LRRC20: variants seen among roughly 807,000 people sequenced by gnomAD.
The protein encoded by LRRC20 is leucine-rich repeat-containing protein 20.
LRRC20 carries 11 observed loss-of-function variants against 14.4 expected under a neutral mutation model. The observed-to-expected ratio is 0.77, with a 90% CI of 0.48 to 1.27. The LOEUF is 1.27. Ranked by LOEUF, LRRC20 falls within the 50% of genes most tolerant of loss-of-function variation. The pLI is 0.00. For synonymous variants in LRRC20, 121 were observed against 107.3 expected (o/e 1.13, Z -0.79); for missense variants, 219 against 251.2 (o/e 0.87, Z 0.87).
chr10:70,317,917 C>T (rs941693353), intron 4 of LRRC20, among the ~76,000 whole-genome samples: 9 of 152,302 alleles, frequency 5.9e-5, no homozygotes, highest in East Asian at 5.8e-4. Context: ...ACATTTGTTT[C>T]GGCCAAGATT....
intron 4 of LRRC20, among the ~76,000 whole-genome samples, chr10:70,306,032 C>T (rs1230750108): frequency 1.3e-5 from 2 of 152,032 alleles, no homozygotes; most frequent in Non-Finnish European, 1.5e-5. Flanking sequence ...TGAGCCACTG[C>T]GCCCGACCTA....
intron 2 of LRRC20, among the ~76,000 whole-genome samples, chr10:70,345,989 T>C (rs1258336441): frequency 1.3e-5 from 2 of 151,808 alleles, no homozygotes; most frequent in Admixed American, 6.6e-5. Flanking sequence ...CGGCTGGATA[T>C]GGTGGCTCAC....
chr10:70,359,709 C>T (rs1258206663), intron 2 of LRRC20, among the ~76,000 whole-genome samples: 2 of 152,206 alleles, frequency 1.3e-5, no homozygotes, highest in Non-Finnish European at 2.9e-5. Context: ...TTCCCTGCAA[C>T]TCCCTTTATT....
chr10:70,363,181 G>A (rs1843817812), intron 2 of LRRC20, among the ~76,000 whole-genome samples: 1 of 149,590 alleles, frequency 6.7e-6, no homozygotes, highest in South Asian at 2.2e-4. Flanking sequence ...GAGAGGCTGA[G>A]TCAGGAGGAT....
chr10:70,333,224 G>A (rs1842603303), intron 3 of LRRC20, among the ~76,000 whole-genome samples: 1 of 152,170 alleles, frequency 6.6e-6, no homozygotes, highest in African/African-American at 2.4e-5. Context: ...AGAGCCACAC[G>A]GTCCTGGTGT....
At chr10:70,314,160 A>G (rs986055446) in intron 4 of LRRC20, among the ~76,000 whole-genome samples, 2 of 152,094 alleles carry the variant, frequency 1.3e-5, no homozygotes, top group Admixed American at 6.5e-5. Flanking sequence ...CCCACAACAC[A>G]TGGGAATTAT....
At chr10:70,376,350 G>C (rs1589133668) in intron 2 of LRRC20, 102 bp downstream of exon 2, 4 of 1,104,478 alleles carry the variant, frequency 3.6e-6, no homozygotes, top group Non-Finnish European at 5.4e-6. Context: ...TTCTCAGGAT[G>C]AGGTTGCACA....
intron 2 of LRRC20, among the ~76,000 whole-genome samples, chr10:70,349,317 C>T (rs1384441235): frequency 2.0e-5 from 3 of 152,208 alleles, no homozygotes; most frequent in African/African-American, 7.2e-5. Context: ...GTGGCTCATG[C>T]CTGTAATCCC....
At chr10:70,348,934 T>C (rs1843177915) in intron 2 of LRRC20, among the ~76,000 whole-genome samples, 1 of 152,322 alleles carries the variant, frequency 6.6e-6, no homozygotes, top group African/African-American at 2.4e-5. Flanking sequence ...AAGTTCAATG[T>C]TGGGCCCTGA....
chr10:70,367,797 T>C lies in LRRC20; in HGVS notation c.82+8655A>G, dbSNP rs147926611. On this transcript the variant is annotated intron_variant, in intron 2 of 4. Coordinates refer to ENST00000446961, the MANE Select transcript of LRRC20 (RefSeq NM_001278212.2). ...ATATGTTTGTCAGAACTCAACTATA[T>C]ACTAAAAAGGGTAAATTTTATATAT... Among the ~76,000 whole-genome samples, 370 of 151,894 alleles carry C rather than the reference T, an allele frequency of 2.4e-3. 3 individuals are homozygous for C. Among genetic ancestry groups the C allele is most frequent in the African/African-American group, 8.7e-3 (361 of 41,390 alleles).
chr10:70,315,282 C>T (rs1488422443), intron 4 of LRRC20, among the ~76,000 whole-genome samples: 1 of 152,146 alleles, frequency 6.6e-6, no homozygotes, highest in Non-Finnish European at 1.5e-5. Context: ...AAGTAAATCA[C>T]TTAGTTAAAA....
intron 2 of LRRC20, among the ~76,000 whole-genome samples, chr10:70,367,562 G>T (rs1315947770): frequency 2.0e-5 from 3 of 152,004 alleles, no homozygotes; most frequent in Non-Finnish European, 4.4e-5. Context: ...TGGATGAATC[G>T]CAAACACGTG....
At chr10:70,336,054 G>A (rs370594898) in intron 3 of LRRC20, among the ~76,000 whole-genome samples, 2 of 152,280 alleles carry the variant, frequency 1.3e-5, no homozygotes, top group East Asian at 1.9e-4. Flanking sequence ...GGGCTCCTCC[G>A]GGGCCACGTC....
chr10:70,312,873 G>A (rs111638020), intron 4 of LRRC20, among the ~76,000 whole-genome samples: 97 of 152,296 alleles, frequency 6.4e-4, no homozygotes, highest in African/African-American at 2.2e-3. Context: ...TGGGAAGCAC[G>A]GGATGTTTTA....
At position 70,301,183 on chromosome 10, in the gene LRRC20, C is replaced by T. The variant is rs1841163613; in HGVS notation, c.*171G>A. 5 of 1,403,658 alleles carry T rather than the reference C, an allele frequency of 3.6e-6. No homozygotes were observed. In the South Asian group the frequency reaches 4.8e-5, roughly 14 times the overall value. The allele number at this position is 1,403,658 out of a possible 1,614,324, so 87.0% of individuals were successfully genotyped here. On this transcript the variant is annotated 3_prime_UTR_variant, in exon 5 of 5. Transcript: ENST00000446961. Reference sequence around the variant, plus strand: ...GCCTCTTCCCTTGGGCATTCCAGAGCCCACTACTGCTGTAAGCTATCTATC... The same window carrying T: ...GCCTCTTCCCTTGGGCATTCCAGAGTCCACTACTGCTGTAAGCTATCTATC...
chr10:70,369,944 G>A (rs540853277), intron 2 of LRRC20, among the ~76,000 whole-genome samples: 95 of 152,192 alleles, frequency 6.2e-4, no homozygotes, highest in Non-Finnish European at 1.2e-3. Flanking sequence ...GCTGGGCATG[G>A]TGGCAGGTGC....
chr10:70,343,802 C>A (rs1001621579), intron 2 of LRRC20, among the ~76,000 whole-genome samples: 1 of 152,212 alleles, frequency 6.6e-6, no homozygotes, highest in Admixed American at 6.5e-5. Context: ...TCTCATCATA[C>A]ATCCCAGGAG....
At position 70,347,833 on chromosome 10, in the gene LRRC20, A is replaced by C. The variant is rs201969961; in HGVS notation, c.83-7131T>G. The stretch of plus-strand genomic sequence containing the variant: ...GACTCCGTCTCAAAAAAAAAAAAAA[A>C]CCCAAAAAACACACACACACAAAAA... On this transcript the variant is annotated intron_variant, in intron 2 of 4. Coordinates refer to ENST00000446961, the MANE Select transcript of LRRC20 (RefSeq NM_001278212.2). 4.8e-5 allele frequency among the ~76,000 whole-genome samples: 7 copies of C among 146,642 alleles called. No individual in the cohort carries two copies. The East Asian group carries it at 1.2e-3, about 25-fold the overall frequency.
At chr10:70,378,380 T>G (rs1001162950) in intron 1 of LRRC20, among the ~76,000 whole-genome samples, 1 of 151,986 alleles carries the variant, frequency 6.6e-6, no homozygotes, top group African/African-American at 2.4e-5. Flanking sequence ...CAGTGACTCA[T>G]GCCTGTAATC....
Sources: gnomAD v4.1 joint callset for allele counts (sites outside exome capture counted in the v4.1 genomes callset) on GRCh38, gnomAD v4.1.1 for gene constraint, MANE v1.5 for transcripts, NCBI Gene and HGNC (gene_info 2026-07-23, HGNC 2026-07-21) for gene names.